The following UBE2E2 variants were observed in gnomAD, a reference collection of about 807,000 sequenced individuals.
UBE2E2 encodes the protein ubiquitin-conjugating enzyme E2 E2.
A neutral mutation model predicts 24.7 loss-of-function variants in UBE2E2; 6 were observed. That is an observed-to-expected ratio of 0.24 (90% CI 0.13 to 0.48). UBE2E2 has a LOEUF of 0.48. UBE2E2 is among the 20% of genes least tolerant of loss of function. UBE2E2 has a pLI of 0.99. For synonymous variants in UBE2E2, 104 were observed against 83.6 expected (o/e 1.24, Z -1.33); for missense variants, 169 against 245.0 (o/e 0.69, Z 2.07).
chr3:23,363,963 T>G (rs977138673), intron 3 of UBE2E2, among the ~76,000 whole-genome samples: 3 of 142,790 alleles, frequency 2.1e-5, no homozygotes, highest in African/African-American at 7.7e-5. Flanking sequence ...CAAAGCACAA[T>G]AAAAATAGAA....
intron 3 of UBE2E2, among the ~76,000 whole-genome samples, chr3:23,268,153 GTTTT>G (rs1393557212): frequency 2.9e-4 from 43 of 150,210 alleles, no homozygotes; most frequent in Non-Finnish European, 4.9e-4. Flanking sequence ...CACAAGACAG[GTTTT>G]CCCTCTCTCA....
At chr3:23,566,449 A>G (rs575311151) in intron 5 of UBE2E2, among the ~76,000 whole-genome samples, 1 of 152,306 alleles carries the variant, frequency 6.6e-6, no homozygotes, top group African/African-American at 2.4e-5. Flanking sequence ...CACTCCAGAC[A>G]TGTGTTAGTC....
rs112158551 is a variant in UBE2E2 at position 23,407,635 on chromosome 3, GTGCA to G, written c.228-91969_228-91966del. Among the ~76,000 whole-genome samples, 5,883 of 135,004 alleles carry G rather than the reference GTGCA, an allele frequency of 0.044. 414 individuals carry two copies. The highest frequency in any genetic ancestry group is 0.16 in the African/African-American group (5,520 of 33,902). 88.6% of individuals were successfully genotyped at this position (135,004 alleles called of 152,430 possible). On this transcript the variant is annotated intron_variant, in intron 3 of 5. Transcript: ENST00000396703. This position sits in a 1 kb window ranked among gnomAD's most constrained non-coding sequence, Gnocchi z 4.0. ...GGAGTGCATGTGTGTGTGTTTGTGT[GTGCA>G]TGCGTGCATGTGTGTGTGTGTGTGT...
At chr3:23,437,161 C>T (rs542885523) in intron 3 of UBE2E2, among the ~76,000 whole-genome samples, 4 of 152,204 alleles carry the variant, frequency 2.6e-5, no homozygotes, top group Non-Finnish European at 4.4e-5. Context: ...TTCCCACACA[C>T]GCCAGGTTTT....
intron 4 of UBE2E2, among the ~76,000 whole-genome samples, chr3:23,514,730 G>C (rs1694690382): frequency 6.6e-6 from 1 of 152,034 alleles, no homozygotes; most frequent in Admixed American, 6.6e-5. Context: ...CTGAGACAAG[G>C]AGAAATGTCT....
At chr3:23,379,420 G>C (rs1046317747) in intron 3 of UBE2E2, among the ~76,000 whole-genome samples, 1 of 123,980 alleles carries the variant, frequency 8.1e-6, no homozygotes, top group Admixed American at 1.0e-4. Flanking sequence ...ACAGTCCCCA[G>C]AGTATGATAT....
At chr3:23,507,783 G>A (rs1247748327) in intron 4 of UBE2E2, among the ~76,000 whole-genome samples, 1 of 152,182 alleles carries the variant, frequency 6.6e-6, no homozygotes, top group Admixed American at 6.5e-5. Flanking sequence ...TTTGAGGGGA[G>A]AGGAAAGACA....
chr3:23,258,900 GAA>G (rs11333992), intron 3 of UBE2E2, among the ~76,000 whole-genome samples: 6,797 of 78,956 alleles, frequency 0.086, 125 homozygotes, highest in African/African-American at 0.16. Context: ...CTCAAAAAAA[GAA>G]AAAAAAAAAA....
At chr3:23,317,659 A>G (rs1312568322) in intron 3 of UBE2E2, among the ~76,000 whole-genome samples, 1 of 150,932 alleles carries the variant, frequency 6.6e-6, no homozygotes, top group Admixed American at 6.6e-5. Flanking sequence ...GTGCAGGGAA[A>G]CTCCTCATTG....
intron 3 of UBE2E2, among the ~76,000 whole-genome samples, chr3:23,439,604 T>C (rs754708986): frequency 6.6e-6 from 1 of 152,202 alleles, no homozygotes; most frequent in Non-Finnish European, 1.5e-5. Context: ...TACATACTCT[T>C]ATAATGAACT....
At chr3:23,352,629 T>C (rs1389326349) in intron 3 of UBE2E2, among the ~76,000 whole-genome samples, 1 of 151,808 alleles carries the variant, frequency 6.6e-6, no homozygotes, top group African/African-American at 2.4e-5. Context: ...AACTAGAAAA[T>C]CTAGAAGAAA....
At chr3:23,223,015 C>G (rs1292244570) in intron 3 of UBE2E2, among the ~76,000 whole-genome samples, 1 of 40,374 alleles carries the variant, frequency 2.5e-5, no homozygotes, top group Non-Finnish European at 3.7e-5. Context: ...ACATCTTTTG[C>G]CCCCCCCCCC....
chr3:23,354,242 T>C (rs1460039362), intron 3 of UBE2E2, among the ~76,000 whole-genome samples: 1 of 152,062 alleles, frequency 6.6e-6, no homozygotes, highest in Non-Finnish European at 1.5e-5. Flanking sequence ...TAATTCAAGA[T>C]GGATTAAAGA....
intron 3 of UBE2E2, among the ~76,000 whole-genome samples, chr3:23,356,548 A>G (rs1381130112): frequency 6.6e-6 from 1 of 152,138 alleles, no homozygotes; most frequent in Non-Finnish European, 1.5e-5. Context: ...TTTGTTAATT[A>G]TCTCATCTCC....
intron 3 of UBE2E2, among the ~76,000 whole-genome samples, chr3:23,380,296 T>C (rs1255224612): frequency 6.6e-6 from 1 of 152,328 alleles, no homozygotes; most frequent in Admixed American, 6.5e-5. Flanking sequence ...CCTAGCTCAC[T>C]GCAGCCTGGA....
intron 3 of UBE2E2, among the ~76,000 whole-genome samples, chr3:23,465,430 T>G (rs999342265): frequency 3.9e-5 from 6 of 152,202 alleles, no homozygotes; most frequent in African/African-American, 1.4e-4. Flanking sequence ...ATAAAATAGT[T>G]TTAAAACTTG....
intron 3 of UBE2E2, among the ~76,000 whole-genome samples, chr3:23,401,151 A>C (rs1333471201): frequency 1.3e-5 from 2 of 152,196 alleles, no homozygotes; most frequent in Non-Finnish European, 2.9e-5. Context: ...TTCTAGGCTA[A>C]GGAACCAGCT....
intron 3 of UBE2E2, among the ~76,000 whole-genome samples, chr3:23,378,103 G>C (rs911103131): frequency 2.0e-5 from 3 of 151,754 alleles, no homozygotes; most frequent in Non-Finnish European, 2.9e-5. Flanking sequence ...ATTAAAAGCA[G>C]AACAGGAAAC....
At chr3:23,498,738 C>T (rs565692335) in intron 3 of UBE2E2, among the ~76,000 whole-genome samples, 14 of 152,128 alleles carry the variant, frequency 9.2e-5, no homozygotes, top group Non-Finnish European at 1.6e-4. Context: ...CCTGTAAACC[C>T]AGCTACTTGA....
Sources: gnomAD v4.1 joint callset for allele counts (sites outside exome capture counted in the v4.1 genomes callset) on GRCh38, gnomAD v4.1.1 for gene constraint, Gnocchi (gnomAD v3.1) non-coding constraint, MANE v1.5 for transcripts, NCBI Gene and HGNC (gene_info 2026-07-23, HGNC 2026-07-21) for gene names.